The following PCDHGB1 variants were observed in gnomAD, a reference collection of about 807,000 sequenced individuals.
The protein encoded by PCDHGB1 is protocadherin gamma-B1.
PCDHGB1 carries 34 observed loss-of-function variants against 56.6 expected under a neutral mutation model. The ratio of observed to expected loss-of-function variants is 0.60; its 90% confidence interval spans 0.46 to 0.80. PCDHGB1 has a LOEUF of 0.80. Among genes scored for constraint, PCDHGB1 ranks in the 30% least tolerant of loss-of-function variants. The pLI, the probability that PCDHGB1 is intolerant of heterozygous loss-of-function variation, is 0.00. For missense variants in PCDHGB1, 1,278 were observed against 1,204.6 expected, an observed-to-expected ratio of 1.06 and a Z score of -0.90; for synonymous variants, 561 against 505.9, an observed-to-expected ratio of 1.11 and a Z score of -1.46.
At chr5:141,492,244 C>T (rs1334647731) in intron 1 of PCDHGB1, among the ~76,000 whole-genome samples, 1 of 152,198 alleles carries the variant, frequency 6.6e-6, no homozygotes, top group Admixed American at 6.5e-5. Flanking sequence ...TGGCCACCCC[C>T]ACGGCCCACA....
intron 3 of PCDHGB1, among the ~76,000 whole-genome samples, chr5:141,506,349 T>A (rs894933059): frequency 8.0e-5 from 12 of 150,304 alleles, no homozygotes; most frequent in Admixed American, 2.7e-4. Context: ...CTTGGGAGGC[T>A]GAGGCAGGAG....
chr5:141,421,443 G>A (rs1561793987), intron 1 of PCDHGB1: 4 of 1,614,106 alleles, frequency 2.5e-6, no homozygotes, highest in Non-Finnish European at 2.5e-6. Flanking sequence ...CCAGAGGGAA[G>A]ACACAGCTTT....
chr5:141,390,104 C>T, intron 1 of PCDHGB1: 1 of 1,614,070 alleles, frequency 6.2e-7, no homozygotes, highest in East Asian at 2.2e-5. Context: ...TTCCCCCCAA[C>T]TACAGCGAGG....
intron 1 of PCDHGB1, chr5:141,375,994 G>T (rs553803944): frequency 1.2e-6 from 2 of 1,613,410 alleles, no homozygotes; most frequent in East Asian, 2.2e-5. Context: ...ACAGAGACGC[G>T]CTCAAGCAGA....
Position 141,404,638 on chromosome 5 carries a change from C to T in PCDHGB1, c.2409+51969C>T, listed in dbSNP as rs776247476. On this transcript the variant is annotated intron_variant, in intron 1 of 3. Coordinates refer to ENST00000523390, the MANE Select transcript of PCDHGB1 (RefSeq NM_018922.3). Reference sequence around the variant, plus strand: ...ACCAGAATGACAATGCCCCAGAAATCCTGTACCCTGCCCTCCCCACTGATG... The same window carrying T: ...ACCAGAATGACAATGCCCCAGAAATTCTGTACCCTGCCCTCCCCACTGATG... 5 of 1,614,194 alleles carry T rather than the reference C, an allele frequency of 3.1e-6. No homozygotes were observed. In the South Asian group the frequency reaches 5.5e-5, roughly 18 times the overall value.
intron 1 of PCDHGB1, chr5:141,372,531 C>G (rs767186429): frequency 6.2e-7 from 1 of 1,614,032 alleles, no homozygotes; most frequent in Admixed American, 1.7e-5. Context: ...GGCAATCTCC[C>G]TGCGCCTGCG....
chr5:141,432,362 C>T lies in PCDHGB1; in HGVS notation c.2410-62445C>T. On this transcript the variant is annotated intron_variant, in intron 1 of 3. Transcript: ENST00000523390. The surrounding 1 kb of genome is among the most constrained non-coding windows in gnomAD (Gnocchi z 6.0). ...AGACTTGCAAGTGAAAGTGATGGCG[C>T]GGGACAACGGGCACCCGCCCCTCAG... 2 of 1,614,218 alleles carry T rather than the reference C, an allele frequency of 1.2e-6. No homozygotes were observed. Among genetic ancestry groups the T allele is most frequent in the South Asian group, 2.2e-5 (2 of 91,082 alleles).
At chr5:141,389,424 G>C (rs746873845) in intron 1 of PCDHGB1, 1 of 1,613,390 alleles carries the variant, frequency 6.2e-7, no homozygotes, top group African/African-American at 1.3e-5. Flanking sequence ...GGTGGTGTTC[G>C]CGCAGCGCGC....
At chr5:141,456,615 A>G (rs561978043) in intron 1 of PCDHGB1, among the ~76,000 whole-genome samples, 3 of 152,318 alleles carry the variant, frequency 2.0e-5, no homozygotes, top group East Asian at 3.9e-4. Flanking sequence ...AAGTCCCTGT[A>G]GATTTGCCTC....
Position 141,487,622 on chromosome 5 carries a change from C to A in PCDHGB1, c.2410-7185C>A. 1 of 1,614,174 alleles carries A rather than the reference C, an allele frequency of 6.2e-7. No homozygotes were observed. Among genetic ancestry groups the A allele is most frequent in the Non-Finnish European group, 8.5e-7 (1 of 1,180,030 alleles). ...TCTTCTCTATGGGCTAGAGGTGAGACCTTTGCAGGCTCAACAAATGCTTGA... is the reference window on the plus strand; with the variant it reads ...TCTTCTCTATGGGCTAGAGGTGAGAACTTTGCAGGCTCAACAAATGCTTGA... On this transcript the variant is annotated intron_variant, in intron 1 of 3. Transcript: ENST00000523390. The surrounding 1 kb of genome is among the most constrained non-coding windows in gnomAD (Gnocchi z 5.0).
At chr5:141,395,029 A>G (rs1589250627) in intron 1 of PCDHGB1, 1 of 1,613,976 alleles carries the variant, frequency 6.2e-7, no homozygotes, top group Non-Finnish European at 8.5e-7. Context: ...CCTGCCTCAC[A>G]TTTTGTGGGT....
At chr5:141,467,280 T>G (rs1021597111) in intron 1 of PCDHGB1, among the ~76,000 whole-genome samples, 58 of 152,272 alleles carry the variant, frequency 3.8e-4, no homozygotes, top group Admixed American at 2.6e-4. Flanking sequence ...CTCGAACTCT[T>G]GACCTCAAGT....
chr5:141,383,219 A>G (rs1333678455), intron 1 of PCDHGB1: 2 of 1,614,000 alleles, frequency 1.2e-6, no homozygotes, highest in Admixed American at 3.3e-5. Context: ...GTAAACTTTA[A>G]CATCCTGATG....
chr5:141,426,488 T>G, intron 1 of PCDHGB1: 1 of 328,024 alleles, frequency 3.0e-6, no homozygotes, highest in Non-Finnish European at 6.1e-6. Context: ...AACCTTAGAG[T>G]TAGTGCAGAG....
chr5:141,404,772 G>T, intron 1 of PCDHGB1: 2 of 1,613,820 alleles, frequency 1.2e-6, no homozygotes, highest in African/African-American at 1.3e-5. Flanking sequence ...CTCTCCTACC[G>T]CCTATTCAAG....
chr5:141,480,578 A>G (rs1343189182), intron 1 of PCDHGB1, among the ~76,000 whole-genome samples: 1 of 133,254 alleles, frequency 7.5e-6, no homozygotes, highest in Admixed American at 7.4e-5. Context: ...GCAAGAAATA[A>G]CTGCCGCTCT....
At chr5:141,377,551 G>A (rs949060522) in intron 1 of PCDHGB1, 1 of 151,380 alleles carries the variant, frequency 6.6e-6, no homozygotes, top group Non-Finnish European at 1.5e-5. Flanking sequence ...AGATATAATT[G>A]TGTCACTGCA....
chr5:141,376,378 G>A, intron 1 of PCDHGB1: 5 of 1,614,236 alleles, frequency 3.1e-6, no homozygotes, highest in Non-Finnish European at 4.2e-6. Context: ...ACTCGCGTAA[G>A]AGTCATCTGA....
chr5:141,389,265 G>C (rs1452714844), intron 1 of PCDHGB1: 1 of 1,614,004 alleles, frequency 6.2e-7, no homozygotes, highest in East Asian at 2.2e-5. Flanking sequence ...CCACGTGGCC[G>C]AGAACAACCC....
Sources: allele counts gnomAD v4.1 joint callset (sites outside exome capture counted in the v4.1 genomes callset), GRCh38; gene constraint gnomAD v4.1.1; non-coding constraint Gnocchi (gnomAD v3.1); transcripts MANE v1.5; gene names NCBI Gene and HGNC (gene_info 2026-07-23, HGNC 2026-07-21).